The following DSCAML1 variants were observed in gnomAD, a reference collection of about 807,000 sequenced individuals.
The protein encoded by DSCAML1 is DS cell adhesion molecule like 1.
Under a neutral mutation model 200.5 loss-of-function variants are expected in DSCAML1, and 38 were observed. That is an observed-to-expected ratio of 0.19 (90% CI 0.15 to 0.25). The LOEUF is 0.25. Among genes scored for constraint, DSCAML1 ranks in the 10% least tolerant of loss-of-function variants. The pLI is 1.00. For missense variants in DSCAML1, 2,223 were observed against 2,858.8 expected, an observed-to-expected ratio of 0.78 and a Z score of 5.07; for synonymous variants, 1,215 against 1,165.0, an observed-to-expected ratio of 1.04 and a Z score of -0.87.
At chr11:117,734,162 C>A (rs1235225637) in intron 3 of DSCAML1, among the ~76,000 whole-genome samples, 1 of 152,204 alleles carries the variant, frequency 6.6e-6, no homozygotes, top group Non-Finnish European at 1.5e-5. Context: ...GGGGAAGTCA[C>A]CTCTTTGGTC....
At chr11:117,438,451 T>C (rs2047969730) in intron 24 of DSCAML1, among the ~76,000 whole-genome samples, 1 of 152,080 alleles carries the variant, frequency 6.6e-6, no homozygotes, top group Non-Finnish European at 1.5e-5. Context: ...CACGGCCCCC[T>C]GAGCAGCAGG....
Position 117,505,795 on chromosome 11 carries a change from G to C in DSCAML1, c.1784-63C>G. The C allele has an allele frequency of 2.0e-6, 3 of 1,537,330 alleles. No individual in the cohort carries two copies. The highest frequency in any genetic ancestry group is 2.6e-6 in the Non-Finnish European group (3 of 1,143,510). Reference sequence around the variant, plus strand: ...GCATTCTCACCTGGCCGCCAACGCCGCCTCACCTGCCTTACCTGGGGCTCT... The same window carrying C: ...GCATTCTCACCTGGCCGCCAACGCCCCCTCACCTGCCTTACCTGGGGCTCT... On this transcript the variant is annotated intron_variant, in intron 8 of 32. Coordinates refer to ENST00000651296, the MANE Select transcript of DSCAML1 (RefSeq NM_020693.4). This position sits in a 1 kb window ranked among gnomAD's most constrained non-coding sequence, Gnocchi z 6.7.
intron 16 of DSCAML1, among the ~76,000 whole-genome samples, chr11:117,466,808 C>T (rs1349240804): frequency 6.6e-6 from 1 of 152,202 alleles, no homozygotes; most frequent in African/African-American, 2.4e-5. Flanking sequence ...AATGTGCTTA[C>T]TGCTATTGAG....
chr11:117,738,250 C>T (rs747866094), intron 3 of DSCAML1, among the ~76,000 whole-genome samples: 4 of 152,138 alleles, frequency 2.6e-5, no homozygotes, highest in Admixed American at 2.6e-4. Flanking sequence ...AGCACTCCAG[C>T]GATTCCAACC....
intron 3 of DSCAML1, among the ~76,000 whole-genome samples, chr11:117,585,567 A>G (rs1035142919): frequency 6.6e-6 from 1 of 152,222 alleles, no homozygotes; most frequent in African/African-American, 2.4e-5. Flanking sequence ...TTAAATGAGC[A>G]GTTTCAGTTC....
chr11:117,575,852 CAAAA>C (rs2050923016), intron 3 of DSCAML1, among the ~76,000 whole-genome samples: 1 of 10,992 alleles, frequency 9.1e-5, no homozygotes, highest in Non-Finnish European at 2.9e-4. Flanking sequence ...CAACCCAAAA[CAAAA>C]CAAAACAAAA....
At chr11:117,552,638 CA>C (rs1330819185) in intron 3 of DSCAML1, among the ~76,000 whole-genome samples, 1 of 152,168 alleles carries the variant, frequency 6.6e-6, no homozygotes, top group African/African-American at 2.4e-5. Context: ...ATAATATATG[CA>C]AGAGGGTCCT....
intron 3 of DSCAML1, among the ~76,000 whole-genome samples, chr11:117,601,423 T>C (rs2051464324): frequency 6.6e-6 from 1 of 152,156 alleles, no homozygotes; most frequent in African/African-American, 2.4e-5. Context: ...AGGGCCCAGC[T>C]GAGATGTCCA....
intron 3 of DSCAML1, among the ~76,000 whole-genome samples, chr11:117,747,475 G>A (rs972202887): frequency 6.6e-6 from 1 of 151,970 alleles, no homozygotes; most frequent in Non-Finnish European, 1.5e-5. Context: ...CCTCAATCAC[G>A]CACCACCAGC....
chr11:117,741,280 C>T (rs1208631140), intron 3 of DSCAML1, among the ~76,000 whole-genome samples: 2 of 152,216 alleles, frequency 1.3e-5, no homozygotes, highest in Non-Finnish European at 1.5e-5. Context: ...AATGCCATGC[C>T]TGGGTCTGGT....
intron 23 of DSCAML1, 72 bp from the exon 24 acceptor site, chr11:117,439,055 G>A: frequency 6.9e-7 from 1 of 1,450,666 alleles, no homozygotes; most frequent in Non-Finnish European, 9.3e-7. Flanking sequence ...GTCCCCCCGT[G>A]ACGGGAAGGT....
chr11:117,775,343 A>G (rs927425563), intron 3 of DSCAML1, among the ~76,000 whole-genome samples: 3 of 152,144 alleles, frequency 2.0e-5, no homozygotes, highest in African/African-American at 7.2e-5. Context: ...CTTCAGCACC[A>G]TCCTCATCCC....
At chr11:117,813,726 TCAGCTTAATCTCTC>T (rs1301441625) in intron 1 of DSCAML1, among the ~76,000 whole-genome samples, 16 of 152,128 alleles carry the variant, frequency 1.1e-4, no homozygotes, top group Non-Finnish European at 2.4e-4. Context: ...AGACCTCCCT[TCAGCTTAATCTCTC>T]CCACTCTAGG....
At chr11:117,468,530 G>A (rs958660707) in intron 16 of DSCAML1, among the ~76,000 whole-genome samples, 13 of 152,166 alleles carry the variant, frequency 8.5e-5, no homozygotes, top group Admixed American at 7.2e-4. Flanking sequence ...GCCTTGGAGT[G>A]TTTCTAGGAT....
chr11:117,502,802 C>A (rs1481636079), intron 11 of DSCAML1, among the ~76,000 whole-genome samples: 2 of 152,190 alleles, frequency 1.3e-5, no homozygotes, highest in Non-Finnish European at 2.9e-5. Context: ...ATCTGACTCG[C>A]TCTTGACATG....
At position 117,780,994 on chromosome 11, in the gene DSCAML1, T is replaced by G. The variant is rs1035506386; in HGVS notation, c.47-184A>C. On this transcript the variant is annotated intron_variant, in intron 1 of 32. Coordinates refer to ENST00000651296, the MANE Select transcript of DSCAML1 (RefSeq NM_020693.4). The surrounding 1 kb of genome is among the most constrained non-coding windows in gnomAD (Gnocchi z 4.8). ...GCAAAGGTGAATCAGAGACAGTTCCTGATCTATAGAAAACCACAGCCTTCG... is the reference window on the plus strand; with the variant it reads ...GCAAAGGTGAATCAGAGACAGTTCCGGATCTATAGAAAACCACAGCCTTCG... 8.5e-5 allele frequency among the ~76,000 whole-genome samples: 13 copies of G among 152,212 alleles called. No homozygotes were observed. Among genetic ancestry groups the G allele is most frequent in the Non-Finnish European group, 1.5e-4 (10 of 68,040 alleles).
chr11:117,447,439 G>C (rs2048202751), intron 20 of DSCAML1, among the ~76,000 whole-genome samples: 1 of 152,158 alleles, frequency 6.6e-6, no homozygotes, highest in Non-Finnish European at 1.5e-5. Context: ...TATGTGTACA[G>C]ATCAAAGACT....
chr11:117,758,777 G>A (rs1244071990), intron 3 of DSCAML1, among the ~76,000 whole-genome samples: 1 of 152,126 alleles, frequency 6.6e-6, no homozygotes, highest in Non-Finnish European at 1.5e-5. Flanking sequence ...TGAGACTTCA[G>A]ATACATATTG....
chr11:117,464,845 C>T, intron 17 of DSCAML1, 97 bp downstream of exon 17: 1 of 1,542,554 alleles, frequency 6.5e-7, no homozygotes, highest in Non-Finnish European at 8.7e-7. Flanking sequence ...AAAATGGGGC[C>T]CAGGGGCAAA....
Sources: allele counts gnomAD v4.1 joint callset (sites outside exome capture counted in the v4.1 genomes callset), GRCh38; gene constraint gnomAD v4.1.1; non-coding constraint Gnocchi (gnomAD v3.1); transcripts MANE v1.5; gene names NCBI Gene and HGNC (gene_info 2026-07-23, HGNC 2026-07-21).